NF1: variants seen among roughly 807,000 people sequenced by gnomAD.
The protein encoded by NF1 is neurofibromin.
NF1 carries 122 observed loss-of-function variants against 325.7 expected under a neutral mutation model. That is an observed-to-expected ratio of 0.37 (90% CI 0.32 to 0.44). The LOEUF is 0.44. NF1 is among the 20% of genes least tolerant of loss of function. NF1 has a pLI of 1.00. For missense variants in NF1, 2,140 were observed against 3,415.4 expected, an observed-to-expected ratio of 0.63 and a Z score of 9.31; for synonymous variants, 1,091 against 1,186.0, an observed-to-expected ratio of 0.92 and a Z score of 1.65.
chr17:31,266,138 A>G (rs917951838), intron 36 of NF1, among the ~76,000 whole-genome samples: 1 of 152,332 alleles, frequency 6.6e-6, no homozygotes, highest in Non-Finnish European at 1.5e-5. Flanking sequence ...TAGTTCTGCT[A>G]CTCATTAGTT....
At position 31,236,606 on chromosome 17, in the gene NF1, A is replaced by AT. The variant is rs60376313; in HGVS notation, c.3974+601dup. On this transcript the variant is annotated intron_variant, in intron 29 of 57. Coordinates refer to ENST00000358273, the MANE Select transcript of NF1 (RefSeq NM_001042492.3). ...AGGTGTGCGCCACCACGCCCAGGTA[A>AT]TTTTTTTTTTTTTTTTGTATTTTTA... Among the ~76,000 whole-genome samples, 607 of 138,922 alleles carry AT rather than the reference A, an allele frequency of 4.4e-3. 1 individual carries two copies. The highest frequency in any genetic ancestry group is 0.018 in the Middle Eastern group (5 of 274). The allele number at this position is 138,922 out of a possible 152,430, so 91.1% of individuals were successfully genotyped here. A position where few individuals can be genotyped will look rare whatever the true frequency, so the allele number is the denominator to read the frequency against.
chr17:31,251,616 A>G (rs2067494595), intron 30 of NF1: 1 of 198,366 alleles, frequency 5.0e-6, no homozygotes, highest in Non-Finnish European at 1.0e-5. Context: ...ATGATTCTAA[A>G]TAAATCTCAC....
Position 31,193,153 on chromosome 17 carries a change from C to T in NF1, c.889-7269C>T, listed in dbSNP as rs114785402. On this transcript the variant is annotated intron_variant, in intron 8 of 57. Coordinates refer to ENST00000358273, the MANE Select transcript of NF1 (RefSeq NM_001042492.3). The stretch of plus-strand genomic sequence containing the variant: ...GTGGTCTTTAGACCAGCAGCATCAG[C>T]GTCACCTGGAAATTTGTGAGAAATG... Among the ~76,000 whole-genome samples the T allele has an allele frequency of 7.0e-3, 1,062 of 152,224 alleles. 10 individuals carry two copies. The highest frequency in any genetic ancestry group is 0.024 in the Middle Eastern group (7 of 294).
rs1597842258 is a variant in NF1, at chr17:31,336,384, A to G, written c.6058A>G (p.Thr2020Ala). The G allele has an allele frequency of 1.9e-6, 3 of 1,614,138 alleles. No individual in the cohort carries two copies. Among genetic ancestry groups the G allele is most frequent in the Non-Finnish European group, 2.5e-6 (3 of 1,180,004 alleles). Reference sequence around the variant, plus strand: ...AGACAGTTTCATCAAAACCAGTGCAACAGGTGGCTTGGGATCAATAAAAGC... The same window carrying G: ...AGACAGTTTCATCAAAACCAGTGCAGCAGGTGGCTTGGGATCAATAAAAGC... ...VLDSFIKTSA[T>A]GGLGSIKAEV... Residue 2020 changes from threonine to alanine, a missense_variant, in exon 41 of 58, where the codon ACA becomes GCA. Thr to Ala is a moderately conservative substitution (Grantham distance 58, BLOSUM62 0). Transcript: ENST00000358273. This position sits in a 1 kb window ranked among gnomAD's most constrained non-coding sequence, Gnocchi z 5.5.
chr17:31,284,528 G>C (rs965129480), intron 36 of NF1, among the ~76,000 whole-genome samples: 1 of 151,354 alleles, frequency 6.6e-6, no homozygotes, highest in Admixed American at 6.6e-5. Context: ...GAAGTGATCC[G>C]CCTGCCTCGG....
rs2151434775 is a variant in NF1 at position 31,232,841 on chromosome 17, A to G, written c.3456A>G (p.Leu1152=). 1.2e-6 allele frequency: 2 copies of G among 1,614,092 alleles called. No homozygotes were observed. Among genetic ancestry groups the G allele is most frequent in the Non-Finnish European group, 1.7e-6 (2 of 1,180,002 alleles). The change falls in exon 26 of 58, where the codon TTA becomes TTG. Residue 1152 remains leucine, a synonymous_variant. Coordinates refer to ENST00000358273, the MANE Select transcript of NF1 (RefSeq NM_001042492.3). ...GTACGGTCCTTGCAATGTCAAACTT[A>G]CTCAATGCCAACGTAGACAGTGGTC... ...RHCTVLAMSN[L]LNANVDSGLM... is the part of the protein sequence containing the mutation.
intron 36 of NF1, among the ~76,000 whole-genome samples, chr17:31,317,234 C>G (rs1000666845): frequency 6.6e-6 from 1 of 152,046 alleles, no homozygotes; most frequent in African/African-American, 2.4e-5. Context: ...TGGAAAGTCT[C>G]TCAAACCAAT....
In NF1 at chr17:31,374,001, C is replaced by G. The variant is rs1293358316; in HGVS notation, c.8378-12C>G. The G allele has an allele frequency of 1.9e-6, 3 of 1,613,848 alleles. No homozygotes were observed. Among genetic ancestry groups the G allele is most frequent in the Non-Finnish European group, 2.5e-6 (3 of 1,179,920 alleles). ...AAAAGAAGAAGTAACTGGCTGTTCT[C>G]TTTTTCTCCAGGAATCGACAAGGAG... On this transcript the variant is annotated splice_polypyrimidine_tract_variant and intron_variant, in intron 57 of 57. Coordinates refer to ENST00000358273, the MANE Select transcript of NF1 (RefSeq NM_001042492.3).
intron 5 of NF1, among the ~76,000 whole-genome samples, chr17:31,175,233 C>T (rs1453673911): frequency 6.7e-6 from 1 of 149,422 alleles, no homozygotes; most frequent in Non-Finnish European, 1.5e-5. Flanking sequence ...TTGTTTTCTA[C>T]ATGCATAGGA....
At chr17:31,283,921 A>C (rs1280965992) in intron 36 of NF1, among the ~76,000 whole-genome samples, 3 of 152,096 alleles carry the variant, frequency 2.0e-5, no homozygotes, top group Non-Finnish European at 1.5e-5. Flanking sequence ...TTCTGTGATA[A>C]CTTGGTTTAT....
chr17:31,265,163 T>C (rs2067762958), intron 35 of NF1, 66 bp from the exon 36 acceptor site: 3 of 1,076,984 alleles, frequency 2.8e-6, no homozygotes, highest in Middle Eastern at 2.8e-4. Flanking sequence ...TATCCAATTA[T>C]AGACTTTTTT....
chr17:31,096,676 A>G (rs1911752216), intron 1 of NF1, among the ~76,000 whole-genome samples: 1 of 152,192 alleles, frequency 6.6e-6, no homozygotes, highest in Admixed American at 6.5e-5. Context: ...TTTGATGCAT[A>G]AACATTTCTT....
chr17:31,282,482 T>G lies in NF1; in HGVS notation c.4835+17143T>G, dbSNP rs192525043. Among the ~76,000 whole-genome samples, 330 of 151,576 alleles carry G rather than the reference T, an allele frequency of 2.2e-3. 1 individual carries two copies. Among genetic ancestry groups the G allele is most frequent in the African/African-American group, 7.5e-3 (310 of 41,316 alleles). On this transcript the variant is annotated intron_variant, in intron 36 of 57. Transcript: ENST00000358273. ...ATTTTCATCACTCCAAAAAGAAACCTCATAGCCATCAACAGTCACTCTCCC... is the reference window on the plus strand; with the variant it reads ...ATTTTCATCACTCCAAAAAGAAACCGCATAGCCATCAACAGTCACTCTCCC...
intron 12 of NF1, among the ~76,000 whole-genome samples, chr17:31,212,322 A>G (rs1373031378): frequency 4.6e-5 from 7 of 152,230 alleles, no homozygotes; most frequent in Non-Finnish European, 2.9e-5. Context: ...TGTGGTAACA[A>G]TGCCTTCTTC....
At chr17:31,283,517 A>G (rs944963241) in intron 36 of NF1, among the ~76,000 whole-genome samples, 2 of 151,918 alleles carry the variant, frequency 1.3e-5, no homozygotes, top group African/African-American at 4.8e-5. Flanking sequence ...GCAGTGACGC[A>G]GTCACAGCTC....
chr17:31,260,063 C>CT (rs534375184), intron 33 of NF1, among the ~76,000 whole-genome samples: 45 of 152,278 alleles, frequency 3.0e-4, no homozygotes, highest in South Asian at 1.5e-3. Flanking sequence ...TTGGGGAGGT[C>CT]TTTCGTCTGG....
chr17:31,123,502 T>C (rs1015206966), intron 1 of NF1, among the ~76,000 whole-genome samples: 7 of 152,194 alleles, frequency 4.6e-5, no homozygotes, highest in Admixed American at 3.3e-4. Context: ...CCCAGCCTAG[T>C]CTCTAACTTC....
chr17:31,354,735 T>G (rs2070230979), intron 51 of NF1, among the ~76,000 whole-genome samples: 1 of 152,092 alleles, frequency 6.6e-6, no homozygotes. Context: ...GGCATAATGG[T>G]ACACACCTCT....
intron 39 of NF1, chr17:31,331,165 G>C (rs1209462558): frequency 6.6e-6 from 1 of 151,624 alleles, no homozygotes; most frequent in Non-Finnish European, 1.5e-5. Flanking sequence ...TTATATATTA[G>C]ATAATTAAAA....
Sources: allele counts gnomAD v4.1 joint callset (sites outside exome capture counted in the v4.1 genomes callset), GRCh38; gene constraint gnomAD v4.1.1; non-coding constraint Gnocchi (gnomAD v3.1); transcripts MANE v1.5; gene names NCBI Gene and HGNC (gene_info 2026-07-23, HGNC 2026-07-21).